The following PTPRD variants were observed in gnomAD, a reference collection of about 807,000 sequenced individuals.
PTPRD encodes the protein receptor-type tyrosine-protein phosphatase delta.
PTPRD carries 34 observed loss-of-function variants against 214.5 expected under a neutral mutation model. That is an observed-to-expected ratio of 0.16 (90% CI 0.12 to 0.21). The LOEUF is 0.21. Among genes scored for constraint, PTPRD ranks in the 10% least tolerant of loss-of-function variants. PTPRD has a pLI of 1.00. For missense variants in PTPRD, 2,545 were observed against 2,398.7 expected, an observed-to-expected ratio of 1.06 and a Z score of -1.27; for synonymous variants, 1,128 against 845.7, an observed-to-expected ratio of 1.33 and a Z score of -5.79.
intron 2 of PTPRD, among the ~76,000 whole-genome samples, chr9:10,592,650 C>G (rs767968432): frequency 1.3e-5 from 2 of 151,898 alleles, no homozygotes; most frequent in African/African-American, 2.4e-5. Context: ...CACCAATCAG[C>G]ACTCTGTAGC....
intron 5 of PTPRD, among the ~76,000 whole-genome samples, chr9:9,934,397 G>A (rs201888654): frequency 0.53 from 66,623 of 125,710 alleles, 21,493 homozygotes; most frequent in East Asian, 0.91. Context: ...AGGGGATATC[G>A]CCACCGATCC....
At chr9:8,658,191 A>G (rs74458496) in intron 12 of PTPRD, among the ~76,000 whole-genome samples, 4,885 of 152,324 alleles carry the variant, frequency 0.032, 286 homozygotes, top group African/African-American at 0.11. Context: ...GATAACATGT[A>G]TAACAGATTT....
chr9:10,361,338 C>A (rs1245716558), intron 2 of PTPRD, among the ~76,000 whole-genome samples: 2 of 152,082 alleles, frequency 1.3e-5, no homozygotes, highest in Non-Finnish European at 2.9e-5. Context: ...GCAAATAACC[C>A]CCTGGTGTTA....
At chr9:9,829,498 A>G (rs2054095751) in intron 5 of PTPRD, among the ~76,000 whole-genome samples, 1 of 151,840 alleles carries the variant, frequency 6.6e-6, no homozygotes, top group Admixed American at 6.6e-5. Context: ...TCCTAGAGAA[A>G]AATTCCTAAA....
At chr9:9,376,181 G>A (rs1374762782) in intron 9 of PTPRD, among the ~76,000 whole-genome samples, 1 of 151,756 alleles carries the variant, frequency 6.6e-6, no homozygotes, top group Non-Finnish European at 1.5e-5. Flanking sequence ...TGAGTGTATG[G>A]GCTTGAAAAA....
At chr9:10,602,310 T>G (rs1010706231) in intron 2 of PTPRD, among the ~76,000 whole-genome samples, 2 of 151,866 alleles carry the variant, frequency 1.3e-5, no homozygotes, top group African/African-American at 4.8e-5. Flanking sequence ...CAAAGACGTT[T>G]CTCTTGTCCT....
At chr9:8,329,909 G>A (rs1004368621) in intron 44 of PTPRD, among the ~76,000 whole-genome samples, 4 of 151,584 alleles carry the variant, frequency 2.6e-5, no homozygotes, top group East Asian at 1.9e-4. Flanking sequence ...AGCTGTACTC[G>A]CAGTGAGATT....
chr9:9,000,292 A>T (rs2099412888), intron 11 of PTPRD, among the ~76,000 whole-genome samples: 1 of 152,064 alleles, frequency 6.6e-6, no homozygotes, highest in Admixed American at 6.6e-5. Flanking sequence ...TCCAAATAGC[A>T]ACAGCACCAT....
intron 10 of PTPRD, among the ~76,000 whole-genome samples, chr9:9,030,856 C>A (rs747027305): frequency 1.3e-5 from 2 of 152,020 alleles, no homozygotes; most frequent in African/African-American, 4.8e-5. Context: ...TGTCTATTTT[C>A]CATACTTAAA....
rs2092776099 is a variant in PTPRD at position 8,404,532 on chromosome 9, C to T, written c.4210+5G>A. The T allele has an allele frequency of 1.9e-6, 3 of 1,606,372 alleles. No homozygotes were observed. Among genetic ancestry groups the T allele is most frequent in the Non-Finnish European group, 2.6e-6 (3 of 1,174,222 alleles). On this transcript the variant is annotated splice_donor_5th_base_variant and intron_variant, in intron 36 of 45. Coordinates refer to ENST00000381196, the MANE Select transcript of PTPRD (RefSeq NM_002839.4). ...AAGGTATCAGTGATGTCTGCATTTC[C>T]TTACCTTCTATAGCTGATAGGAGAA...
intron 7 of PTPRD, among the ~76,000 whole-genome samples, chr9:9,718,940 G>A (rs2097884688): frequency 6.6e-6 from 1 of 152,168 alleles, no homozygotes; most frequent in African/African-American, 2.4e-5. Flanking sequence ...TCCTAAGTGG[G>A]AAGCTGTGGG....
chr9:9,923,759 T>A (rs2083334094), intron 5 of PTPRD, among the ~76,000 whole-genome samples: 1 of 151,904 alleles, frequency 6.6e-6, no homozygotes, highest in Non-Finnish European at 1.5e-5. Context: ...AGTACACATC[T>A]AAAATGTATA....
intron 7 of PTPRD, among the ~76,000 whole-genome samples, chr9:9,622,180 A>G (rs962326558): frequency 1.3e-5 from 2 of 152,230 alleles, no homozygotes; most frequent in African/African-American, 4.8e-5. Context: ...TTAGACCATT[A>G]GACCTGCTAT....
intron 7 of PTPRD, among the ~76,000 whole-genome samples, chr9:9,589,142 A>G (rs1276354004): frequency 1.3e-5 from 2 of 151,890 alleles, no homozygotes; most frequent in Non-Finnish European, 2.9e-5. Flanking sequence ...AATGTATGAA[A>G]TTGTGAAAAC....
At chr9:8,811,673 T>A (rs945198169) in intron 11 of PTPRD, among the ~76,000 whole-genome samples, 4 of 152,166 alleles carry the variant, frequency 2.6e-5, no homozygotes, top group African/African-American at 9.7e-5. Context: ...CTATTAAAAG[T>A]ATATATTCTC....
chr9:8,940,879 C>A (rs2099029853), intron 11 of PTPRD, among the ~76,000 whole-genome samples: 1 of 151,872 alleles, frequency 6.6e-6, no homozygotes, highest in Non-Finnish European at 1.5e-5. Context: ...CCAACCATAC[C>A]TTTCAGACTC....
At chr9:8,675,121 C>T (rs2097374107) in intron 12 of PTPRD, among the ~76,000 whole-genome samples, 2 of 152,066 alleles carry the variant, frequency 1.3e-5, no homozygotes, top group South Asian at 4.1e-4. Flanking sequence ...ACACTTGGGA[C>T]ATATGGGAAG....
At chr9:10,434,783 C>T (rs928163030) in intron 2 of PTPRD, among the ~76,000 whole-genome samples, 2 of 151,890 alleles carry the variant, frequency 1.3e-5, no homozygotes, top group African/African-American at 4.8e-5. Flanking sequence ...CTGTTTCGCA[C>T]AATGAGAACT....
At chr9:9,544,628 T>C (rs572760198) in intron 8 of PTPRD, among the ~76,000 whole-genome samples, 11 of 151,866 alleles carry the variant, frequency 7.2e-5, no homozygotes, top group African/African-American at 2.6e-4. Flanking sequence ...AAAAATATTT[T>C]AATATCTACA....
Sources: allele counts gnomAD v4.1 joint callset (sites outside exome capture counted in the v4.1 genomes callset), GRCh38; gene constraint gnomAD v4.1.1; transcripts MANE v1.5; gene names NCBI Gene and HGNC (gene_info 2026-07-23, HGNC 2026-07-21).